The following PTGR1 variants were observed in gnomAD, a reference collection of about 807,000 sequenced individuals.
PTGR1 encodes prostaglandin reductase 1.
Under a neutral mutation model 37.7 loss-of-function variants are expected in PTGR1, and 23 were observed. The ratio of observed to expected loss-of-function variants is 0.61; its 90% confidence interval spans 0.44 to 0.86. The LOEUF is 0.86. Among genes scored for constraint, PTGR1 ranks in the 40% least tolerant of loss-of-function variants. PTGR1 has a pLI of 0.00. For missense variants in PTGR1, 351 were observed against 394.3 expected (o/e 0.89, Z 0.93); for synonymous variants, 134 against 140.0 (o/e 0.96, Z 0.30).
chr9:111,550,616 T>C (rs932715947), intron 9 of PTGR1, among the ~76,000 whole-genome samples: 2 of 152,178 alleles, frequency 1.3e-5, no homozygotes, highest in African/African-American at 2.4e-5. Context: ...TTTCTGCCGA[T>C]GTAATTATTA....
intron 1 of PTGR1, 115 bp from the exon 2 acceptor site, chr9:111,597,547 TATC>T: frequency 1.6e-6 from 1 of 636,396 alleles, no homozygotes; most frequent in Non-Finnish European, 2.8e-6. Context: ...ATCCCATCAT[TATC>T]ATATCATGCC....
At chr9:111,598,930 G>A (rs559245440) in intron 1 of PTGR1, among the ~76,000 whole-genome samples, 169 of 152,124 alleles carry the variant, frequency 1.1e-3, no homozygotes, top group Admixed American at 1.9e-3. Flanking sequence ...GTACCCTTTG[G>A]CCAACAAGCC....
At chr9:111,552,077 A>G (rs1424342433) in intron 9 of PTGR1, among the ~76,000 whole-genome samples, 1 of 152,186 alleles carries the variant, frequency 6.6e-6, no homozygotes, top group Non-Finnish European at 1.5e-5. Context: ...AGGAGCTTCA[A>G]ATTTAGCTTG....
chr9:111,579,299 C>T (rs1829199445), intron 6 of PTGR1, among the ~76,000 whole-genome samples: 1 of 152,112 alleles, frequency 6.6e-6, no homozygotes, highest in South Asian at 2.1e-4. Flanking sequence ...TCTCTTGGTA[C>T]AGTCATTCTT....
At chr9:111,574,009 T>C (rs1244406708) in intron 8 of PTGR1, among the ~76,000 whole-genome samples, 1 of 152,136 alleles carries the variant, frequency 6.6e-6, no homozygotes, top group Non-Finnish European at 1.5e-5. Flanking sequence ...GCCCTACTGC[T>C]CCAAGAAGCA....
downstream of PTGR1, among the ~76,000 whole-genome samples, chr9:111,559,869 C>T: frequency 6.6e-6 from 1 of 152,218 alleles, no homozygotes; most frequent in East Asian, 1.9e-4. Flanking sequence ...GTCCTTCAGG[C>T]ATTCCTTAGT....
chr9:111,589,371 TATA>T (rs1829536192), intron 4 of PTGR1: 1 of 889,610 alleles, frequency 1.1e-6, no homozygotes, highest in African/African-American at 1.8e-5. Context: ...CCAATGGTAT[TATA>T]ATAACTGGCT....
intron 9 of PTGR1, among the ~76,000 whole-genome samples, chr9:111,551,322 A>G (rs1424432223): frequency 1.3e-5 from 2 of 152,118 alleles, no homozygotes; most frequent in Admixed American, 6.5e-5. Context: ...GTAGATTCAC[A>G]TAGTTCTTCC....
Position 111,586,104 on chromosome 9 carries a change from A to G in PTGR1, c.271T>C (p.Trp91Arg). 6.2e-7 allele frequency: 1 copy of G among 1,614,212 alleles called. No homozygotes were observed. Among genetic ancestry groups the G allele is most frequent in the Non-Finnish European group, 8.5e-7 (1 of 1,180,028 alleles). Residue 91 changes from tryptophan (W) to arginine (R), a missense_variant, in exon 5 of 10, where the codon TGG becomes CGG. Physicochemically the swap from Trp to Arg is moderately radical, Grantham distance 101. Transcript: ENST00000407693. ...KGTIVLASPG[W>R]TTHSISDGKD... ...CCATCAGAAATGGAGTGCGTTGTCCAGCCTGGAGAAGCCAGTACAATAGTT... is the reference window on the plus strand; with the variant it reads ...CCATCAGAAATGGAGTGCGTTGTCCGGCCTGGAGAAGCCAGTACAATAGTT...
At chr9:111,569,906 G>T (rs1444615859) in intron 9 of PTGR1, 185 bp downstream of exon 9, 1 of 926,088 alleles carries the variant, frequency 1.1e-6, no homozygotes, top group Non-Finnish European at 1.6e-6. Context: ...TTTAGAGAGG[G>T]TTGTTTTGTT....
At chr9:111,550,093 T>A (rs1268151294) in intron 9 of PTGR1, among the ~76,000 whole-genome samples, 1 of 152,208 alleles carries the variant, frequency 6.6e-6, no homozygotes, top group African/African-American at 2.4e-5. Flanking sequence ...TCGTTTTTGT[T>A]TTACTGTCAT....
At chr9:111,578,002 G>A (rs753289853) in intron 7 of PTGR1, among the ~76,000 whole-genome samples, 1 of 151,894 alleles carries the variant, frequency 6.6e-6, no homozygotes, top group Admixed American at 6.6e-5. Context: ...GCGTTTTTTG[G>A]GGGGGGTGAT....
chr9:111,567,042 C>T (rs904968971), intron 9 of PTGR1, among the ~76,000 whole-genome samples: 15 of 150,558 alleles, frequency 1.0e-4, no homozygotes, highest in African/African-American at 2.2e-4. Context: ...GCCATGATCA[C>T]GGCACTGCAC....
downstream of PTGR1, among the ~76,000 whole-genome samples, chr9:111,558,008 A>ATGG (rs1173103287): frequency 1.3e-5 from 2 of 152,104 alleles, no homozygotes; most frequent in Non-Finnish European, 2.9e-5. Context: ...TTAGCCAGGC[A>ATGG]TGGTGGTGCG....
intron 6 of PTGR1, among the ~76,000 whole-genome samples, chr9:111,580,201 T>C (rs1298260101): frequency 6.6e-6 from 1 of 152,166 alleles, no homozygotes; most frequent in Non-Finnish European, 1.5e-5. Flanking sequence ...TTCTCCTGAG[T>C]TCCAAATCAG....
At chr9:111,553,687 G>A (rs972212628) in intron 9 of PTGR1, among the ~76,000 whole-genome samples, 3 of 152,230 alleles carry the variant, frequency 2.0e-5, no homozygotes, top group African/African-American at 4.8e-5. Flanking sequence ...AGTGGTTAAA[G>A]TGAATTGTAG....
Position 111,578,827 on chromosome 9 carries a change from G to T in PTGR1, c.620C>A (p.Ser207Tyr). The T allele has an allele frequency of 6.2e-7, 1 of 1,606,888 alleles. No individual in the cohort carries two copies. The highest frequency in any genetic ancestry group is 8.5e-7 in the Non-Finnish European group (1 of 1,177,802). Residue 207 changes from serine to tyrosine, a missense_variant, in exon 7 of 10, where the codon TCT (serine) becomes TAT (tyrosine). Ser to Tyr is a moderately radical substitution (Grantham distance 144). Coordinates refer to ENST00000407693, the MANE Select transcript of PTGR1 (RefSeq NM_001146108.2). ...ESLEETLKKA[S>Y]PDGYDCYFDN... ...AAAATAACAATCATAACCATCAGGA[G>T]ACGCTTTCTTCAAGGTTTCTTCCAA...
intron 9 of PTGR1, among the ~76,000 whole-genome samples, chr9:111,566,776 C>T (rs1828579660): frequency 6.6e-6 from 1 of 152,088 alleles, no homozygotes; most frequent in Non-Finnish European, 1.5e-5. Context: ...ATGCTGTCTT[C>T]ATGGAGGTTA....
chr9:111,554,799 T>G (rs1828073243), intron 9 of PTGR1, among the ~76,000 whole-genome samples: 1 of 152,152 alleles, frequency 6.6e-6, no homozygotes, highest in Non-Finnish European at 1.5e-5. Context: ...AAGTGAAACT[T>G]TGAATAAGGG....
Sources: gnomAD v4.1 joint callset for allele counts (sites outside exome capture counted in the v4.1 genomes callset) on GRCh38, gnomAD v4.1.1 for gene constraint, MANE v1.5 for transcripts, NCBI Gene and HGNC (gene_info 2026-07-23, HGNC 2026-07-21) for gene names.